Variants in NCAM2 observed in about 807,000 individuals in gnomAD.
The protein encoded by NCAM2 is N-CAM-2.
NCAM2 carries 30 observed loss-of-function variants against 98.1 expected under a neutral mutation model. That is an observed-to-expected ratio of 0.31 (90% CI 0.23 to 0.41). NCAM2 has a LOEUF of 0.41. NCAM2 is among the 10% of genes least tolerant of loss of function. The pLI is 1.00. For synonymous variants in NCAM2, 368 were observed against 342.4 expected (o/e 1.07, Z -0.83); for missense variants, 867 against 1,005.8 (o/e 0.86, Z 1.87).
chr21:21,128,421 C>A (rs1459266659), intron 1 of NCAM2, among the ~76,000 whole-genome samples: 2 of 152,036 alleles, frequency 1.3e-5, no homozygotes, highest in African/African-American at 4.8e-5. Context: ...TACAAATGAG[C>A]AGAGAGGGTG....
At chr21:21,277,659 C>G (rs989334225) in intron 1 of NCAM2, among the ~76,000 whole-genome samples, 1 of 152,002 alleles carries the variant, frequency 6.6e-6, no homozygotes, top group East Asian at 1.9e-4. Flanking sequence ...CTTGGAAAGG[C>G]AAGTTTCCTT....
intron 15 of NCAM2, among the ~76,000 whole-genome samples, chr21:21,490,431 GAAAGTTCTAA>G (rs1986753920): frequency 6.6e-6 from 1 of 151,768 alleles, no homozygotes; most frequent in Non-Finnish European, 1.5e-5. Context: ...TAGATATATT[GAAAGTTCTAA>G]AACTATGTAT....
chr21:21,344,886 G>A (rs2147908784), intron 8 of NCAM2, among the ~76,000 whole-genome samples: 1 of 152,300 alleles, frequency 6.6e-6, no homozygotes, highest in South Asian at 2.1e-4. Context: ...ATGGCCACAG[G>A]AGTGCTTGTG....
intron 8 of NCAM2, among the ~76,000 whole-genome samples, chr21:21,359,207 A>G (rs1242085292): frequency 1.3e-5 from 2 of 151,902 alleles, no homozygotes; most frequent in Admixed American, 1.3e-4. Flanking sequence ...TTTTCATACT[A>G]GTGCCCCAAG....
intron 2 of NCAM2, among the ~76,000 whole-genome samples, chr21:21,282,515 AAAAATAAAGATATTGG>A (rs1219734237): frequency 6.6e-6 from 1 of 151,800 alleles, no homozygotes; most frequent in Non-Finnish European, 1.5e-5. Flanking sequence ...ACAAGATTCT[AAAAATAAAGATATTGG>A]AAAACCATGC....
chr21:21,224,153 C>T (rs914585844), intron 1 of NCAM2, among the ~76,000 whole-genome samples: 1 of 152,126 alleles, frequency 6.6e-6, no homozygotes, highest in African/African-American at 2.4e-5. Context: ...ACAAAATTTT[C>T]CCCCATGGGT....
chr21:21,178,977 C>A (rs576160368), intron 1 of NCAM2, among the ~76,000 whole-genome samples: 21 of 151,876 alleles, frequency 1.4e-4, no homozygotes, highest in Non-Finnish European at 2.6e-4. Context: ...AGGGTAGATT[C>A]AGAGATGAAA....
In NCAM2 at chr21:21,537,930, A is replaced by G. The variant is rs1569147043; in HGVS notation, c.2487A>G (p.Gln829=). ...IEIKVSNDII[Q]SKEDDSKA ...TTAAAGTTTCTAACGACATCATTCA[A>G]TCAAAAGAAGACGACAGCAAAGCAT... is the stretch of plus-strand genomic sequence containing the variant. The change falls in exon 18 of 18, where the codon CAA becomes CAG. Residue 829 remains glutamine (Q), a synonymous_variant. Transcript: ENST00000400546. The G allele has an allele frequency of 1.3e-6, 2 of 1,571,080 alleles. No homozygotes were observed. Among genetic ancestry groups the G allele is most frequent in the East Asian group, 2.3e-5 (1 of 43,744 alleles).
chr21:21,429,597 A>T (rs2077286301), intron 11 of NCAM2, among the ~76,000 whole-genome samples: 1 of 152,218 alleles, frequency 6.6e-6, no homozygotes, highest in Non-Finnish European at 1.5e-5. Flanking sequence ...ACTTATAAGT[A>T]AATTTTGGAT....
At chr21:21,063,794 C>G (rs62207560) in intron 1 of NCAM2, among the ~76,000 whole-genome samples, 32,427 of 151,506 alleles carry the variant, frequency 0.21, 3,899 homozygotes, top group African/African-American at 0.31. Context: ...TTTTTTTTCT[C>G]TATGTGTATT....
In NCAM2 at chr21:21,361,115, G is replaced by A. The variant is rs529808502; in HGVS notation, c.1045-12748G>A. ...GAATGAAATATCTGAGTTTTCATGT[G>A]GAGTCTGGATTTCATCCACTCTAAC... On this transcript the variant is annotated intron_variant, in intron 8 of 17. Transcript: ENST00000400546. Among the ~76,000 whole-genome samples the A allele has an allele frequency of 4.0e-4, 61 of 152,076 alleles. No homozygotes were observed. In the South Asian group the frequency reaches 0.012, roughly 31 times the overall value.
At chr21:21,077,525 C>A (rs1163653296) in intron 1 of NCAM2, among the ~76,000 whole-genome samples, 1 of 152,114 alleles carries the variant, frequency 6.6e-6, no homozygotes, top group African/African-American at 2.4e-5. Context: ...AATGAGAATG[C>A]CCATATGTAA....
chr21:21,384,379 T>C (rs2148110095), intron 9 of NCAM2, among the ~76,000 whole-genome samples: 1 of 152,010 alleles, frequency 6.6e-6, no homozygotes, highest in South Asian at 2.1e-4. Context: ...TACATGTTTG[T>C]TATAAATTAC....
chr21:21,137,156 AGTTT>A (rs1185474716), intron 1 of NCAM2, among the ~76,000 whole-genome samples: 2 of 152,150 alleles, frequency 1.3e-5, no homozygotes, highest in South Asian at 2.1e-4. Flanking sequence ...CAATTAATAA[AGTTT>A]GTTTGAACAT....
At chr21:21,241,707 G>GTTT (rs1433607737) in intron 1 of NCAM2, among the ~76,000 whole-genome samples, 1 of 125,208 alleles carries the variant, frequency 8.0e-6, no homozygotes, top group African/African-American at 3.0e-5. Context: ...CCAAGGCTCT[G>GTTT]TTTTTTTTTT....
intron 5 of NCAM2, among the ~76,000 whole-genome samples, chr21:21,310,231 C>T (rs2074003233): frequency 6.6e-6 from 1 of 152,082 alleles, no homozygotes; most frequent in East Asian, 1.9e-4. Flanking sequence ...TTTAATTCTC[C>T]CTCAGGTTTG....
At chr21:21,210,001 C>T (rs575031242) in intron 1 of NCAM2, among the ~76,000 whole-genome samples, 96 of 152,202 alleles carry the variant, frequency 6.3e-4, no homozygotes, top group African/African-American at 2.0e-3. Context: ...AAGGGCTGGC[C>T]GACTTTCCAT....
intron 1 of NCAM2, among the ~76,000 whole-genome samples, chr21:21,047,990 A>G (rs1462320604): frequency 1.3e-5 from 2 of 152,172 alleles, no homozygotes; most frequent in African/African-American, 4.8e-5. Context: ...TCCTTGGCAT[A>G]CAATGAAATT....
chr21:21,152,452 T>C (rs77673080), intron 1 of NCAM2, among the ~76,000 whole-genome samples: 2,421 of 152,100 alleles, frequency 0.016, 84 homozygotes, highest in African/African-American at 0.056. Context: ...TGTTATATGT[T>C]GGTCGTCGTG....
Sources: gnomAD v4.1 joint callset for allele counts (sites outside exome capture counted in the v4.1 genomes callset) on GRCh38, gnomAD v4.1.1 for gene constraint, MANE v1.5 for transcripts, NCBI Gene and HGNC (gene_info 2026-07-23, HGNC 2026-07-21) for gene names.